ATRNL1: variants seen among roughly 807,000 people sequenced by gnomAD.
ATRNL1 encodes the protein attractin-like protein 1.
Under a neutral mutation model 182.7 loss-of-function variants are expected in ATRNL1, and 95 were observed. The observed-to-expected ratio is 0.52, with a 90% CI of 0.44 to 0.62. The LOEUF (loss-of-function observed/expected upper bound fraction) is 0.62. ATRNL1 is among the 20% of genes least tolerant of loss of function. ATRNL1 has a pLI of 0.00. For synonymous variants in ATRNL1, 576 were observed against 568.3 expected (o/e 1.01, Z -0.19); for missense variants, 1,471 against 1,679.5 (o/e 0.88, Z 2.17).
At chr10:115,604,906 T>C (rs982119458) in intron 26 of ATRNL1, among the ~76,000 whole-genome samples, 1 of 152,158 alleles carries the variant, frequency 6.6e-6, no homozygotes, top group African/African-American at 2.4e-5. Context: ...ATTTGCAATT[T>C]TCTTTCTTTG....
In ATRNL1 at chr10:115,582,378, C is replaced by T. The variant is rs1855171404; in HGVS notation, c.3795+32842C>T. Among the ~76,000 whole-genome samples the T allele has an allele frequency of 2.1e-5, 3 of 141,328 alleles. No individual in the cohort carries two copies. In the Admixed American group the frequency reaches 2.2e-4, roughly 10 times the overall value. 92.7% of individuals were successfully genotyped at this position (141,328 alleles called of 152,430 possible). On this transcript the variant is annotated intron_variant, in intron 26 of 28. Transcript: ENST00000355044. Reference sequence around the variant, plus strand: ...TCCCACCAACAGTGTAAAAGTGTTCCTATTTCTCCACATCCTCTCCAGCAC... The same window carrying T: ...TCCCACCAACAGTGTAAAAGTGTTCTTATTTCTCCACATCCTCTCCAGCAC...
chr10:115,287,661 T>C (rs1316710549), intron 15 of ATRNL1, among the ~76,000 whole-genome samples: 4 of 152,108 alleles, frequency 2.6e-5, no homozygotes, highest in Non-Finnish European at 5.9e-5. Context: ...TCAGGGAAAT[T>C]AGCATATCCA....
At chr10:115,123,497 T>A (rs1247019183) in intron 3 of ATRNL1, among the ~76,000 whole-genome samples, 2 of 152,200 alleles carry the variant, frequency 1.3e-5, no homozygotes, top group Admixed American at 1.3e-4. Flanking sequence ...TGTATAAATA[T>A]TTATTACTCA....
In ATRNL1 at chr10:115,380,065, T is replaced by G. The variant is rs565506978; in HGVS notation, c.3176-14594T>G. Among the ~76,000 whole-genome samples the G allele has an allele frequency of 7.3e-4, 111 of 152,118 alleles. No individual in the cohort carries two copies. In the South Asian group the frequency reaches 0.021, roughly 28 times the overall value. On this transcript the variant is annotated intron_variant, in intron 19 of 28. Transcript: ENST00000355044. Reference sequence around the variant, plus strand: ...CAGGATGGTCTCGATCTGCTGACTTTGTGATCCGCCCGCCTCAGCCTCCCA... The same window carrying G: ...CAGGATGGTCTCGATCTGCTGACTTGGTGATCCGCCCGCCTCAGCCTCCCA...
At chr10:115,636,362 C>G (rs1271262508) in intron 26 of ATRNL1, among the ~76,000 whole-genome samples, 3 of 152,154 alleles carry the variant, frequency 2.0e-5, no homozygotes, top group Non-Finnish European at 2.9e-5. Flanking sequence ...CTGGAAAATC[C>G]CTTCCATTCT....
chr10:115,367,899 T>C (rs1169493603), intron 19 of ATRNL1, among the ~76,000 whole-genome samples: 1 of 149,970 alleles, frequency 6.7e-6, no homozygotes, highest in African/African-American at 2.5e-5. Flanking sequence ...AGCTGCGTGC[T>C]GGGAGAACCA....
chr10:115,333,484 A>G (rs1169413958), intron 18 of ATRNL1, among the ~76,000 whole-genome samples: 1 of 117,122 alleles, frequency 8.5e-6, no homozygotes, highest in Admixed American at 1.2e-4. Context: ...ATTCAAAAGT[A>G]CTTTTTTTTT....
chr10:115,445,005 A>G (rs1232093076), intron 21 of ATRNL1, among the ~76,000 whole-genome samples: 13 of 151,916 alleles, frequency 8.6e-5, no homozygotes, highest in African/African-American at 3.1e-4. Context: ...TGCTGGGATT[A>G]CAGGCTTGAG....
chr10:115,910,739 TTAGAGGC>T lies in ATRNL1; in HGVS notation c.4019-33918_4019-33912del, dbSNP rs572430681. On this transcript the variant is annotated intron_variant, in intron 28 of 28. Transcript: ENST00000355044. ...GTTAAATGACTACAGTGCCTGCCTG[TTAGAGGC>T]ATTTGAATGTACACCATAGCAGGGA... 6.4e-4 allele frequency among the ~76,000 whole-genome samples: 97 copies of T among 152,302 alleles called. 1 individual carries two copies. Among genetic ancestry groups the T allele is most frequent in the African/African-American group, 2.3e-3 (94 of 41,568 alleles).
chr10:115,598,679 T>C (rs1229158988), intron 26 of ATRNL1, among the ~76,000 whole-genome samples: 1 of 152,100 alleles, frequency 6.6e-6, no homozygotes, highest in African/African-American at 2.4e-5. Context: ...ATAAATAACA[T>C]ATTCTTTATA....
chr10:115,915,411 AT>A lies in ATRNL1; in HGVS notation c.4019-29239del, dbSNP rs59444404. The stretch of plus-strand genomic sequence containing the variant: ...AGACTCCATCTCAAAAAAAAAAAAA[AT>A]TTTTTTTGACAGTTACAATGAAGCC... On this transcript the variant is annotated intron_variant, in intron 28 of 28. Coordinates refer to ENST00000355044, the MANE Select transcript of ATRNL1 (RefSeq NM_207303.4). Among the ~76,000 whole-genome samples, 198 of 149,042 alleles carry A rather than the reference AT, an allele frequency of 1.3e-3. 1 individual carries two copies. Among genetic ancestry groups the A allele is most frequent in the Admixed American group, 1.7e-3 (25 of 15,092 alleles).
At chr10:115,783,025 A>G (rs1387289042) in intron 27 of ATRNL1, among the ~76,000 whole-genome samples, 6 of 152,208 alleles carry the variant, frequency 3.9e-5, no homozygotes, top group Admixed American at 6.5e-5. Flanking sequence ...ATTTAAGGAT[A>G]TTAAAAGTGC....
intron 26 of ATRNL1, among the ~76,000 whole-genome samples, chr10:115,582,663 A>G (rs1179708490): frequency 6.9e-6 from 1 of 145,500 alleles, no homozygotes; most frequent in Non-Finnish European, 1.5e-5. Context: ...TCAGATGAGT[A>G]GGTTGTGAAA....
At chr10:115,529,846 A>G (rs1449314751) in intron 25 of ATRNL1, among the ~76,000 whole-genome samples, 2 of 152,090 alleles carry the variant, frequency 1.3e-5, no homozygotes, top group African/African-American at 4.8e-5. Context: ...AGAACATATC[A>G]TCATCCCCAA....
At chr10:115,605,138 A>G (rs1856808612) in intron 26 of ATRNL1, among the ~76,000 whole-genome samples, 2 of 152,158 alleles carry the variant, frequency 1.3e-5, no homozygotes, top group Admixed American at 6.6e-5. Flanking sequence ...TACACAGTTT[A>G]TACGCATACA....
intron 28 of ATRNL1, among the ~76,000 whole-genome samples, chr10:115,926,970 A>G (rs1953255082): frequency 6.6e-6 from 1 of 152,104 alleles, no homozygotes; most frequent in Non-Finnish European, 1.5e-5. Context: ...CAAAAAAAGA[A>G]AAATTTAGGC....
intron 27 of ATRNL1, among the ~76,000 whole-genome samples, chr10:115,824,144 G>C (rs782536784): frequency 1.1e-4 from 16 of 152,008 alleles, no homozygotes; most frequent in African/African-American, 3.1e-4. Context: ...ACCATCTGAT[G>C]TTTGACAAAC....
At chr10:115,786,773 C>A (rs1186012529) in intron 27 of ATRNL1, among the ~76,000 whole-genome samples, 1 of 152,138 alleles carries the variant, frequency 6.6e-6, no homozygotes, top group Non-Finnish European at 1.5e-5. Context: ...TGACAAGACA[C>A]TAATATTAAG....
intron 28 of ATRNL1, among the ~76,000 whole-genome samples, chr10:115,854,274 T>A (rs1391060146): frequency 6.6e-6 from 1 of 152,208 alleles, no homozygotes; most frequent in Non-Finnish European, 1.5e-5. Flanking sequence ...AATTCTCGCA[T>A]CTCTGTAGTG....
Sources: allele counts gnomAD v4.1 joint callset (sites outside exome capture counted in the v4.1 genomes callset), GRCh38; gene constraint gnomAD v4.1.1; transcripts MANE v1.5; gene names NCBI Gene and HGNC (gene_info 2026-07-23, HGNC 2026-07-21).